Variants in DYNC1I2 observed in about 807,000 individuals in gnomAD.
The protein encoded by DYNC1I2 is cytoplasmic dynein 1 intermediate chain 2.
Under a neutral mutation model 88.6 loss-of-function variants are expected in DYNC1I2, and 53 were observed. The observed-to-expected ratio is 0.60, with a 90% CI of 0.48 to 0.75. DYNC1I2 has a LOEUF of 0.75. Among genes scored for constraint, DYNC1I2 ranks in the 30% least tolerant of loss-of-function variants. DYNC1I2 has a pLI of 0.00. For missense variants in DYNC1I2, 458 were observed against 766.6 expected (o/e 0.60, Z 4.75); for synonymous variants, 198 against 254.6 (o/e 0.78, Z 2.12).
chr2:171,737,515 T>C (rs1689092602), intron 15 of DYNC1I2, among the ~76,000 whole-genome samples: 1 of 152,164 alleles, frequency 6.6e-6, no homozygotes, highest in East Asian at 1.9e-4. Flanking sequence ...CCTCCCAGGT[T>C]CAAGCGATTA....
At chr2:171,723,540 TTGAG>T (rs1688035800) in intron 7 of DYNC1I2, among the ~76,000 whole-genome samples, 1 of 152,250 alleles carries the variant, frequency 6.6e-6, no homozygotes, top group Non-Finnish European at 1.5e-5. Flanking sequence ...ATTCTAATGC[TTGAG>T]TAATATAGTA....
intron 6 of DYNC1I2, among the ~76,000 whole-genome samples, chr2:171,713,810 T>C (rs1440087589): frequency 2.0e-5 from 3 of 152,198 alleles, no homozygotes; most frequent in Non-Finnish European, 2.9e-5. Context: ...GAGTTTCTTG[T>C]ACTTGAACTG....
chr2:171,693,017 C>T, intron 3 of DYNC1I2, 123 bp downstream of exon 3: 1 of 753,562 alleles, frequency 1.3e-6, no homozygotes, highest in Non-Finnish European at 2.2e-6. Flanking sequence ...AATTATTAAT[C>T]TTTTATTTGG....
chr2:171,691,419 A>G (rs1255445227), intron 2 of DYNC1I2, among the ~76,000 whole-genome samples: 2 of 152,172 alleles, frequency 1.3e-5, no homozygotes, highest in Non-Finnish European at 2.9e-5. Context: ...TTTAGGACCA[A>G]GTTTTTATAT....
At chr2:171,734,532 T>C (rs1374851807) in intron 15 of DYNC1I2, among the ~76,000 whole-genome samples, 2 of 152,220 alleles carry the variant, frequency 1.3e-5, no homozygotes, top group South Asian at 2.1e-4. Flanking sequence ...ATTCATTCAA[T>C]TGGGATACAT....
chr2:171,696,767 T>G (rs1174804456), intron 3 of DYNC1I2, among the ~76,000 whole-genome samples: 2 of 152,154 alleles, frequency 1.3e-5, no homozygotes, highest in Non-Finnish European at 2.9e-5. Flanking sequence ...GGGCTCTCTA[T>G]TTTCACTATG....
chr2:171,710,699 CTT>C (rs1247084022), intron 5 of DYNC1I2, among the ~76,000 whole-genome samples: 3 of 138,964 alleles, frequency 2.2e-5, no homozygotes, highest in African/African-American at 7.9e-5. Flanking sequence ...TCCTTTTTTC[CTT>C]TTTTTTTTTT....
chr2:171,744,220 A>G, intron 16 of DYNC1I2, 31 bp downstream of exon 16: 1 of 1,559,072 alleles, frequency 6.4e-7, no homozygotes, highest in East Asian at 2.3e-5. Context: ...AATTGCATTG[A>G]AAAATAGAAA....
chr2:171,715,399 A>C lies in DYNC1I2; in HGVS notation c.467A>C (p.Tyr156Ser). The change falls in exon 7 of 18, where the codon TAT becomes TCT. Residue 156 changes from tyrosine to serine, a missense_variant. Tyr to Ser is a moderately radical substitution (Grantham distance 144). Around this residue, in one of 5 missense-constraint regions of DYNC1I2, gnomAD observed 203 missense variants for 354.2 expected, o/e 0.57. Transcript: ENST00000397119. ...TTTCCTCCTCGAGAAATTGTCACGT[A>C]TACAAAGGAAACTCAGACTCCAGTT... ...VDFPPREIVT[Y>S]TKETQTPVMA... 2 of 1,569,048 alleles carry C rather than the reference A, an allele frequency of 1.3e-6. No individual in the cohort carries two copies. The highest frequency in any genetic ancestry group is 1.7e-6 in the Non-Finnish European group (2 of 1,155,394).
chr2:171,705,121 CTG>C (rs35893083), intron 3 of DYNC1I2, among the ~76,000 whole-genome samples: 36,746 of 151,866 alleles, frequency 0.24, 5,196 homozygotes, highest in Middle Eastern at 0.35. Flanking sequence ...GGCTAAGAAA[CTG>C]TGATAATATG....
chr2:171,726,310 T>G lies in DYNC1I2; in HGVS notation c.870+17T>G. 1.9e-6 allele frequency: 3 copies of G among 1,547,042 alleles called. No homozygotes were observed. The South Asian group carries it at 3.5e-5, about 18-fold the overall frequency. On this transcript the variant is annotated intron_variant, in intron 10 of 17. Transcript: ENST00000397119. ...TCATCTCAGGTAAAATATAACAAAA[T>G]AGGCCGCTCTTAACTCATTTTTAAA...
chr2:171,700,290 A>C (rs1298004069), intron 3 of DYNC1I2, among the ~76,000 whole-genome samples: 1 of 152,190 alleles, frequency 6.6e-6, no homozygotes, highest in Non-Finnish European at 1.5e-5. Context: ...TCGAAGAGAA[A>C]AAGAGAGTCA....
At chr2:171,724,255 A>C (rs939898209) in intron 7 of DYNC1I2, among the ~76,000 whole-genome samples, 1 of 152,180 alleles carries the variant, frequency 6.6e-6, no homozygotes, top group Non-Finnish European at 1.5e-5. Flanking sequence ...TATTGCCTAT[A>C]CTATAGAGTT....
chr2:171,744,397 TG>T (rs1462518936), intron 16 of DYNC1I2, among the ~76,000 whole-genome samples: 1 of 152,228 alleles, frequency 6.6e-6, no homozygotes, highest in South Asian at 2.1e-4. Flanking sequence ...CCAGGAGCAC[TG>T]GGGCATTTCC....
At chr2:171,745,309 A>G (rs941252713) in intron 16 of DYNC1I2, among the ~76,000 whole-genome samples, 2 of 152,150 alleles carry the variant, frequency 1.3e-5, no homozygotes, top group African/African-American at 4.8e-5. Context: ...CTTTAGACAG[A>G]CTCATACTGC....
intron 15 of DYNC1I2, among the ~76,000 whole-genome samples, chr2:171,738,526 T>C (rs748259922): frequency 2.6e-5 from 4 of 152,214 alleles, no homozygotes; most frequent in African/African-American, 7.2e-5. Flanking sequence ...TTAATTCCAG[T>C]TGAGGGCCAT....
chr2:171,690,688 G>A lies in DYNC1I2; in HGVS notation c.108+425G>A, dbSNP rs370872272. ...TTTTTTTTTGAGACTGGGTCTCACT[G>A]TGTCACTCGGACTGGAGTGCAGTGG... On this transcript the variant is annotated intron_variant, in intron 2 of 17. Coordinates refer to ENST00000397119, the MANE Select transcript of DYNC1I2 (RefSeq NM_001378.3). 1.1e-3 allele frequency among the ~76,000 whole-genome samples: 142 copies of A among 129,784 alleles called. 3 individuals are homozygous for A. In the South Asian group the frequency reaches 0.026, roughly 24 times the overall value. The allele number at this position is 129,784 out of a possible 152,430, so 85.1% of individuals were successfully genotyped here.
chr2:171,725,319 T>C (rs1401791373), intron 7 of DYNC1I2, among the ~76,000 whole-genome samples: 1 of 152,214 alleles, frequency 6.6e-6, no homozygotes, highest in Non-Finnish European at 1.5e-5. Context: ...TTCATCCTAG[T>C]TGCTTATATA....
intron 3 of DYNC1I2, among the ~76,000 whole-genome samples, chr2:171,699,202 G>C (rs1167325177): frequency 6.6e-6 from 1 of 152,084 alleles, no homozygotes; most frequent in Non-Finnish European, 1.5e-5. Context: ...AGCTACTCTG[G>C]AGGGTGAGGC....
Sources: allele counts gnomAD v4.1 joint callset (sites outside exome capture counted in the v4.1 genomes callset), GRCh38; gene constraint gnomAD v4.1.1; regional missense constraint gnomAD v4.1.1; transcripts MANE v1.5; gene names NCBI Gene and HGNC (gene_info 2026-07-23, HGNC 2026-07-21).